Variants in RBFOX1 observed in about 807,000 individuals in gnomAD.
RBFOX1 encodes the protein RNA binding protein fox-1 homolog 1.
In RBFOX1, 8 loss-of-function variants were observed where a neutral mutation model predicts 57.7. That is an observed-to-expected ratio of 0.14 (90% confidence interval 0.08 to 0.25). The LOEUF is 0.25. Among genes scored for constraint, RBFOX1 ranks in the 10% least tolerant of loss-of-function variants. The pLI, the probability that RBFOX1 is intolerant of heterozygous loss-of-function variation, is 1.00. For missense variants in RBFOX1, 611 were observed against 548.5 expected (o/e 1.11, Z -1.14); for synonymous variants, 326 against 222.4 (o/e 1.47, Z -4.15).
intron 4 of RBFOX1, among the ~76,000 whole-genome samples, chr16:7,415,762 G>A (rs896621335): frequency 6.9e-6 from 1 of 145,844 alleles, no homozygotes; most frequent in African/African-American, 2.7e-5. Flanking sequence ...ATTTTCCAGT[G>A]CAGGAAAGTG....
At chr16:6,288,297 A>G (rs923623525) in intron 1 of RBFOX1, among the ~76,000 whole-genome samples, 4 of 152,148 alleles carry the variant, frequency 2.6e-5, no homozygotes, top group African/African-American at 9.7e-5. Flanking sequence ...TGTAGAGTTG[A>G]TGCTTGGGAA....
chr16:5,273,341 T>C (rs1175728609), intron 1 of RBFOX1, among the ~76,000 whole-genome samples: 2 of 152,002 alleles, frequency 1.3e-5, no homozygotes, highest in Admixed American at 6.6e-5. Context: ...TATGTGTCAG[T>C]CTTTAGTGCC....
chr16:5,636,447 CA>C lies in RBFOX1; in HGVS notation c.318+37489del, dbSNP rs199716399. Among the ~76,000 whole-genome samples, 1,466 of 152,220 alleles carry C rather than the reference CA, an allele frequency of 9.6e-3. 9 individuals are homozygous for C. Among genetic ancestry groups the C allele is most frequent in the Non-Finnish European group, 0.016 (1,083 of 68,012 alleles). On this transcript the variant is annotated intron_variant, in intron 3 of 19. Coordinates refer to the RBFOX1 transcript ENST00000641259. Reference sequence around the variant, plus strand: ...GCAGTGTATCAGAAATAATGCTGGCCAAAGCACTGGATGAGAATCTGAAGGA... The same window carrying C: ...GCAGTGTATCAGAAATAATGCTGGCCAAGCACTGGATGAGAATCTGAAGGA...
intron 3 of RBFOX1, among the ~76,000 whole-genome samples, chr16:5,672,901 A>G (rs953088660): frequency 6.6e-6 from 1 of 151,538 alleles, no homozygotes; most frequent in African/African-American, 2.4e-5. Flanking sequence ...CTGGGTTTTC[A>G]TTTTTAATAA....
At chr16:7,099,233 G>T (rs527747826) in intron 4 of RBFOX1, among the ~76,000 whole-genome samples, 59 of 152,290 alleles carry the variant, frequency 3.9e-4, no homozygotes, top group African/African-American at 1.1e-3. Context: ...GATGTAGAAT[G>T]AGGGAGGGTA....
At chr16:7,226,182 T>G (rs906676175) in intron 4 of RBFOX1, among the ~76,000 whole-genome samples, 2 of 152,152 alleles carry the variant, frequency 1.3e-5, no homozygotes, top group African/African-American at 4.8e-5. Flanking sequence ...CAGGGATAAC[T>G]CTCAGGTACC....
chr16:7,396,719 C>A (rs1285107596), intron 4 of RBFOX1, among the ~76,000 whole-genome samples: 2 of 152,174 alleles, frequency 1.3e-5, no homozygotes, highest in Non-Finnish European at 2.9e-5. Flanking sequence ...GTGGGTGGAT[C>A]ACTTGAGGTC....
chr16:6,001,688 A>C (rs2060602428), intron 4 of RBFOX1, among the ~76,000 whole-genome samples: 1 of 152,224 alleles, frequency 6.6e-6, no homozygotes, highest in South Asian at 2.1e-4. Context: ...TAATGTTTTC[A>C]TTTCAAAATA....
chr16:7,693,544 C>T (rs772946450), intron 14 of RBFOX1, among the ~76,000 whole-genome samples: 5 of 150,146 alleles, frequency 3.3e-5, no homozygotes, highest in South Asian at 4.2e-4. Flanking sequence ...CCATATAAGA[C>T]GACATTAGGC....
At chr16:6,258,370 G>T (rs1229575053) in intron 1 of RBFOX1, among the ~76,000 whole-genome samples, 6 of 152,162 alleles carry the variant, frequency 3.9e-5, no homozygotes, top group Admixed American at 3.3e-4. Flanking sequence ...ATTTACTCAA[G>T]TTCATTGTGT....
chr16:5,314,344 C>T (rs918801748), intron 1 of RBFOX1, among the ~76,000 whole-genome samples: 3 of 152,102 alleles, frequency 2.0e-5, no homozygotes, highest in South Asian at 2.1e-4. Context: ...GTGGTAGACC[C>T]GTGCCCCATG....
rs1295502766 is a variant in RBFOX1 at position 5,737,526 on chromosome 16, T to G, written c.319-129777T>G. ...AAATTAAAACAAAAATATTCTGGATTTTTTTTTTTTTTTTTTGCCTGTCCA... is the reference window on the plus strand; with the variant it reads ...AAATTAAAACAAAAATATTCTGGATGTTTTTTTTTTTTTTTTGCCTGTCCA... On this transcript the variant is annotated intron_variant, in intron 3 of 19. Coordinates refer to the RBFOX1 transcript ENST00000641259. Among the ~76,000 whole-genome samples, 316 of 48,180 alleles carry G rather than the reference T, an allele frequency of 6.6e-3. 1 individual carries two copies. Among genetic ancestry groups the G allele is most frequent in the African/African-American group, 0.022 (295 of 13,292 alleles). 31.6% of individuals were successfully genotyped at this position (48,180 alleles called of 152,430 possible).
intron 2 of RBFOX1, among the ~76,000 whole-genome samples, chr16:6,403,277 G>C (rs2093148469): frequency 6.6e-6 from 1 of 152,210 alleles, no homozygotes; most frequent in South Asian, 2.1e-4. Flanking sequence ...GTTTACTCCA[G>C]CTGTCTAAAC....
rs528711586 is a variant in RBFOX1 at position 5,409,281 on chromosome 16, C to G, written c.220-57935C>G. Among the ~76,000 whole-genome samples, 40 of 152,346 alleles carry G rather than the reference C, an allele frequency of 2.6e-4. 1 individual carries two copies. Among genetic ancestry groups the G allele is most frequent in the African/African-American group, 6.0e-4 (25 of 41,578 alleles). ...TGGACAGTGTTCACTGTTCTGCATA[C>G]AGCCCCTAGGGGAGCCCCCCAGGTG... is the stretch of plus-strand genomic sequence containing the variant. On this transcript the variant is annotated intron_variant, in intron 1 of 2. Coordinates refer to the RBFOX1 transcript ENST00000585867.
intron 4 of RBFOX1, among the ~76,000 whole-genome samples, chr16:7,067,350 C>A (rs1247365281): frequency 6.6e-6 from 1 of 151,894 alleles, no homozygotes; most frequent in Admixed American, 6.6e-5. Context: ...TACTATTCTG[C>A]AGTTCTTTAG....
At chr16:7,090,246 A>T (rs2060605017) in intron 4 of RBFOX1, among the ~76,000 whole-genome samples, 1 of 152,192 alleles carries the variant, frequency 6.6e-6, no homozygotes, top group Non-Finnish European at 1.5e-5. Flanking sequence ...TAGAATCCAT[A>T]TTCAGTTTAC....
chr16:5,865,280 G>A (rs2057319880), intron 3 of RBFOX1, among the ~76,000 whole-genome samples: 1 of 152,132 alleles, frequency 6.6e-6, no homozygotes, highest in Non-Finnish European at 1.5e-5. Context: ...GATCTTGTGT[G>A]CTTGTGCTTT....
At chr16:6,593,681 G>T (rs1279229036) in intron 2 of RBFOX1, among the ~76,000 whole-genome samples, 1 of 152,186 alleles carries the variant, frequency 6.6e-6, no homozygotes, top group Admixed American at 6.5e-5. Flanking sequence ...ATAAAAAGGT[G>T]AATTGTTTGA....
chr16:6,201,600 GGT>G (rs1310211501), intron 1 of RBFOX1, among the ~76,000 whole-genome samples: 1 of 152,010 alleles, frequency 6.6e-6, no homozygotes. Context: ...TCTAATGTTT[GGT>G]GTCATAATAG....
Sources: allele counts gnomAD v4.1 joint callset (sites outside exome capture counted in the v4.1 genomes callset), GRCh38; gene constraint gnomAD v4.1.1; transcripts MANE v1.5; gene names NCBI Gene and HGNC (gene_info 2026-07-23, HGNC 2026-07-21).